The following RAET1G variants were observed in gnomAD, a reference collection of about 807,000 sequenced individuals.
The protein encoded by RAET1G is UL-16 binding protein 5.
Under a neutral mutation model 29.5 loss-of-function variants are expected in RAET1G, and 25 were observed. The ratio of observed to expected loss-of-function variants is 0.85; its 90% CI spans 0.62 to 1.18. The LOEUF is 1.18. Ranked by LOEUF, RAET1G falls within the 50% of genes most tolerant of loss-of-function variation. The pLI is 0.00. For missense variants in RAET1G, 434 were observed against 423.6 expected (o/e 1.02, Z -0.22); for synonymous variants, 167 against 159.5 (o/e 1.05, Z -0.36).
Position 149,919,229 on chromosome 6 carries a change from G to A in RAET1G, c.445C>T (p.Leu149Phe). 3 of 1,614,230 alleles carry A rather than the reference G, an allele frequency of 1.9e-6. No individual in the cohort carries two copies. The highest frequency in any genetic ancestry group is 2.5e-6 in the Non-Finnish European group (3 of 1,180,028). The change falls in exon 3 of 5, where the codon CTC becomes TTC. Residue 149 changes from leucine (L) to phenylalanine (F), a missense_variant. Coordinates refer to ENST00000367360, the MANE Select transcript of RAET1G (RefSeq NM_001001788.4). ...ATTCTGTTTTCTGAGTCAAAGAGGA[G>A]GAAGATCTGTCCATCGAAACTGAGC... ...WQLSFDGQIF[L>F]LFDSENRMWT... is the part of the protein sequence containing the mutation.
rs765049295 is a variant in RAET1G, at chr6:149,922,877, C to A, written c.85+49G>T. On this transcript the variant is annotated intron_variant, in intron 1 of 4. Coordinates refer to ENST00000367360, the MANE Select transcript of RAET1G (RefSeq NM_001001788.4). ...CTCCTCTGAAGCCCACAGTCCACAG[C>A]CCCCCACGGTTGGCCTCCGCCCCGC... 1.2e-5 allele frequency: 16 copies of A among 1,362,296 alleles called. No individual in the cohort carries two copies. In the African/African-American group the frequency reaches 1.7e-4, roughly 15 times the overall value. 84.4% of individuals were successfully genotyped at this position (1,362,296 alleles called of 1,614,324 possible).
chr6:149,919,788 G>A lies in RAET1G; in HGVS notation c.114C>T (p.Thr38=), dbSNP rs574161303. 10 of 1,612,182 alleles carry A rather than the reference G, an allele frequency of 6.2e-6. No homozygotes were observed. The highest frequency in any genetic ancestry group is 4.0e-5 in the African/African-American group (3 of 74,980). The part of the protein sequence containing the change: ...ADPHSLCYDI[T]VIPKFRPGPR... The stretch of plus-strand genomic sequence containing the variant: ...GTCCAGGTCTGAACTTAGGGATGAC[G>A]GTGATGTCATAGCAAAGAGAGTGAG... The change falls in exon 2 of 5, where the codon ACC becomes ACT. Residue 38 remains threonine (T), a synonymous_variant. Coordinates refer to ENST00000367360, the MANE Select transcript of RAET1G (RefSeq NM_001001788.4).
At position 149,919,322 on chromosome 6, in the gene RAET1G, G is replaced by A. The variant is rs373277778; in HGVS notation, c.352C>T (p.Pro118Ser). 2.6e-4 allele frequency: 425 copies of A among 1,612,810 alleles called. 6 individuals are homozygous for A. In the South Asian group the frequency reaches 3.5e-3, roughly 13 times the overall value. The change falls in exon 3 of 5, where the codon CCC becomes TCC. Residue 118 changes from proline (P) to serine (S), a missense_variant and splice_region_variant. Physicochemically the swap from Pro to Ser is moderately conservative, Grantham distance 74. Transcript: ENST00000367360. ...GACATCCTGGCCTGCAGGGTGAGGG[G>A]TTCTGCCCCCATCAAAGAGAGATCA... The part of the protein sequence containing the change: ...IQLENYIPKE[P>S]LTLQARMSCE...
chr6:149,917,462 T>C (rs1370388585), intron 4 of RAET1G, among the ~76,000 whole-genome samples: 1 of 152,250 alleles, frequency 6.6e-6, no homozygotes, highest in African/African-American at 2.4e-5. Flanking sequence ...GCTCACACTC[T>C]TGTCTTCTGG....
At chr6:149,920,239 A>G (rs755176377) in intron 1 of RAET1G, among the ~76,000 whole-genome samples, 2 of 152,104 alleles carry the variant, frequency 1.3e-5, no homozygotes, top group South Asian at 2.1e-4. Flanking sequence ...TGAGGATGGA[A>G]CCCAGTTGGA....
chr6:149,917,361 C>T (rs1562478312), intron 4 of RAET1G, among the ~76,000 whole-genome samples: 1 of 152,146 alleles, frequency 6.6e-6, no homozygotes, highest in Non-Finnish European at 1.5e-5. Flanking sequence ...CTCCTTTTCC[C>T]GGTCTGCTAA....
At chr6:149,917,332 T>TC (rs1278905028) in intron 4 of RAET1G, among the ~76,000 whole-genome samples, 2 of 152,044 alleles carry the variant, frequency 1.3e-5, no homozygotes, top group Non-Finnish European at 2.9e-5. Context: ...CTTCTCTAAC[T>TC]CCCCCGGGGA....
intron 1 of RAET1G, among the ~76,000 whole-genome samples, chr6:149,920,605 G>C (rs1432309017): frequency 1.3e-5 from 2 of 152,178 alleles, no homozygotes; most frequent in Non-Finnish European, 2.9e-5. Flanking sequence ...GCCAGGGTTG[G>C]GGGTAGGAGA....
rs1778632809 is a variant in RAET1G, at chr6:149,923,051, G to C, written c.-41C>G. 1 of 1,466,052 alleles carries C rather than the reference G, an allele frequency of 6.8e-7. No homozygotes were observed. The highest frequency in any genetic ancestry group is 1.4e-5 in the African/African-American group (1 of 71,988). The allele number at this position is 1,466,052 out of a possible 1,614,324, so 90.8% of individuals were successfully genotyped here. On this transcript the variant is annotated 5_prime_UTR_variant, in exon 1 of 5. Coordinates refer to ENST00000367360, the MANE Select transcript of RAET1G (RefSeq NM_001001788.4). ...CAGGGGACAGCAGAAGCGAAGCCCA[G>C]CCCGTGGATCACCTGGCGGCTCGCA...
intron 4 of RAET1G, 89 bp from the exon 5 acceptor site, chr6:149,917,163 T>G (rs942504992): frequency 2.1e-6 from 3 of 1,428,254 alleles, no homozygotes; most frequent in Non-Finnish European, 2.8e-6. Context: ...CTGCTACCGC[T>G]ATCTAGAAGG....
intron 1 of RAET1G, among the ~76,000 whole-genome samples, chr6:149,920,760 TC>T (rs1390616636): frequency 2.0e-5 from 3 of 152,184 alleles, no homozygotes; most frequent in African/African-American, 7.2e-5. Context: ...GCTGGAGACC[TC>T]AGTCATACAA....
In RAET1G at chr6:149,923,075, C is replaced by A. The variant is rs1003714587; in HGVS notation, c.-65G>T. The A allele has an allele frequency of 1.5e-4, 186 of 1,231,552 alleles. No homozygotes were observed. The highest frequency in any genetic ancestry group is 2.2e-4 in the Admixed American group (10 of 46,424). The allele number at this position is 1,231,552 out of a possible 1,614,324, so 76.3% of individuals were successfully genotyped here. A position where few individuals can be genotyped will look rare whatever the true frequency, so the allele number is the denominator to read the frequency against. On this transcript the variant is annotated 5_prime_UTR_variant, in exon 1 of 5. Transcript: ENST00000367360. The stretch of plus-strand genomic sequence containing the variant: ...AGCCCGTGGATCACCTGGCGGCTCG[C>A]AGGCTGTCTGAATGCAGCCCGTCTG...
intron 2 of RAET1G, 43 bp from the exon 3 acceptor site, chr6:149,919,367 T>A (rs1448828721): frequency 6.3e-7 from 1 of 1,599,856 alleles, no homozygotes; most frequent in Non-Finnish European, 8.5e-7. Context: ...TTGACAGATA[T>A]TGAGCCCCCA....
intron 1 of RAET1G, 29 bp downstream of exon 1, chr6:149,922,897 C>T (rs1270104184): frequency 1.9e-6 from 3 of 1,541,950 alleles, no homozygotes; most frequent in Non-Finnish European, 2.6e-6. Flanking sequence ...TTGGCCTCCG[C>T]CCCGCTTAGG....
Position 149,922,970 on chromosome 6 carries a change from G to C in RAET1G, c.41C>G (p.Pro14Arg). ...CCAGCTGGACAGCAGGAGCAGAAGC[G>C]GGAGGCGTAGAAGGAACGCGGGGCT... The part of the protein sequence containing the change: ...AASPAFLLRL[P>R]LLLLLSSWCR... The change falls in exon 1 of 5, where the codon CCG becomes CGG. Residue 14 changes from proline to arginine, a missense_variant. By Grantham distance (103) the Pro-to-Arg change is moderately radical. Coordinates refer to ENST00000367360, the MANE Select transcript of RAET1G (RefSeq NM_001001788.4). 6.2e-7 allele frequency: 1 copy of C among 1,606,274 alleles called. No homozygotes were observed. Among genetic ancestry groups the C allele is most frequent in the Non-Finnish European group, 8.5e-7 (1 of 1,177,096 alleles).
chr6:149,916,913 CA>C lies in RAET1G; in HGVS notation c.1003del (p.Ter335AspfsTer?). 6.6e-7 allele frequency: 1 copy of C among 1,509,970 alleles called. No homozygotes were observed. The highest frequency in any genetic ancestry group is 1.3e-5 in the South Asian group (1 of 77,274). 93.5% of individuals were successfully genotyped at this position (1,509,970 alleles called of 1,614,324 possible). A position where few individuals can be genotyped will look rare whatever the true frequency, so the allele number is the denominator to read the frequency against. ...YSEPLQVSIS* is the reference protein window; with the variant it reads ...YSEPLQVSISX ...AAGACAGCTGGGCCCAGGGAACCATCAAGATATGGAGACCTGTAGTGGCTCC... is the reference window on the plus strand; with the variant it reads ...AAGACAGCTGGGCCCAGGGAACCATCAGATATGGAGACCTGTAGTGGCTCC... On this transcript the variant is annotated frameshift_variant and stop_lost, in exon 5 of 5. Coordinates refer to ENST00000367360, the MANE Select transcript of RAET1G (RefSeq NM_001001788.4). LOFTEE classifies it high-confidence loss of function.
rs1778461818 is a variant in RAET1G at position 149,917,144 on chromosome 6, T to C, written c.843-70A>G. 4 of 1,449,036 alleles carry C rather than the reference T, an allele frequency of 2.8e-6. No homozygotes were observed. The South Asian group carries it at 6.2e-5, about 23-fold the overall frequency. The allele number at this position is 1,449,036 out of a possible 1,614,324, so 89.8% of individuals were successfully genotyped here. Reference sequence around the variant, plus strand: ...ATGTATTTCTCGGACTTCAATACTTTCACTAATTCTGCTACCGCTATCTAG... The same window carrying C: ...ATGTATTTCTCGGACTTCAATACTTCCACTAATTCTGCTACCGCTATCTAG... On this transcript the variant is annotated intron_variant, in intron 4 of 4. Transcript: ENST00000367360.
In RAET1G at chr6:149,916,970, T is replaced by C; in HGVS notation, c.947A>G (p.Tyr316Cys). The C allele has an allele frequency of 6.5e-7, 1 of 1,549,898 alleles. No homozygotes were observed. Among genetic ancestry groups the C allele is most frequent in the Non-Finnish European group, 8.7e-7 (1 of 1,146,084 alleles). ...CCTGGCTGCGCCGTTATTTATTGTA[T>C]ACAAGGCAAGAGGGCAGGGTAAGGA... ...SHSLPCPLAL[Y>C]TINNGAARYS... Residue 316 changes from tyrosine (Y) to cysteine (C), a missense_variant, in exon 5 of 5, where the codon TAT (tyrosine) becomes TGT (cysteine). Physicochemically the swap from Tyr to Cys is radical, Grantham distance 194 (BLOSUM62 -2). Coordinates refer to ENST00000367360, the MANE Select transcript of RAET1G (RefSeq NM_001001788.4).
chr6:149,919,815 G>T lies in RAET1G; in HGVS notation c.87C>A (p.Asp29Glu). ...LSSWCRTGLA[D>E]PHSLCYDITV... ...TGATGTCATAGCAAAGAGAGTGAGG[G>T]TCTGTGGAGAAAGGCAGGTGAGGGG... Residue 29 changes from aspartate (D) to glutamate (E), a missense_variant and splice_region_variant, in exon 2 of 5, where the codon GAC becomes GAA. Asp to Glu is a conservative substitution (Grantham distance 45). Coordinates refer to ENST00000367360, the MANE Select transcript of RAET1G (RefSeq NM_001001788.4). 4 of 1,612,060 alleles carry T rather than the reference G, an allele frequency of 2.5e-6. No homozygotes were observed. Among genetic ancestry groups the T allele is most frequent in the Non-Finnish European group, 3.4e-6 (4 of 1,179,856 alleles).
Sources: allele counts gnomAD v4.1 joint callset (sites outside exome capture counted in the v4.1 genomes callset), GRCh38; gene constraint gnomAD v4.1.1; transcripts MANE v1.5; gene names NCBI Gene and HGNC (gene_info 2026-07-23, HGNC 2026-07-21).